NKAIN3: variants seen among roughly 807,000 people sequenced by gnomAD.
NKAIN3 encodes sodium/potassium transporting ATPase interacting 3.
A neutral mutation model predicts 30.2 loss-of-function variants in NKAIN3; 25 were observed. That is an observed-to-expected ratio of 0.83 (90% confidence interval 0.60 to 1.16). The LOEUF (loss-of-function observed/expected upper bound fraction) is 1.16. Among genes scored for constraint, NKAIN3 ranks in the 50% most tolerant of loss-of-function variants. The pLI is 0.00. For missense variants in NKAIN3, 225 were observed against 254.1 expected, an observed-to-expected ratio of 0.89 and a Z score of 0.78; for synonymous variants, 91 against 89.6, an observed-to-expected ratio of 1.02 and a Z score of -0.09.
intron 3 of NKAIN3, among the ~76,000 whole-genome samples, chr8:62,715,530 G>A (rs1320488352): frequency 2.6e-5 from 4 of 152,168 alleles, no homozygotes; most frequent in Admixed American, 2.0e-4. Context: ...TCATATCTCA[G>A]TACCTCAGTT....
chr8:62,773,620 A>G (rs28858368), intron 4 of NKAIN3, among the ~76,000 whole-genome samples: 31,054 of 151,994 alleles, frequency 0.2, 3,740 homozygotes, highest in African/African-American at 0.32. Flanking sequence ...ATGGGGGCAG[A>G]TCTTTCCTGT....
intron 4 of NKAIN3, among the ~76,000 whole-genome samples, chr8:62,793,472 G>T (rs1295011047): frequency 1.3e-5 from 2 of 152,138 alleles, no homozygotes; most frequent in African/African-American, 4.8e-5. Context: ...AATCCTGAAA[G>T]GATGAATCTC....
chr8:62,476,879 C>A (rs1806536910), intron 1 of NKAIN3, among the ~76,000 whole-genome samples: 1 of 152,028 alleles, frequency 6.6e-6, no homozygotes. Flanking sequence ...TCCTGTGGCC[C>A]CTTTAAATTG....
At chr8:62,307,411 T>C (rs1462361452) in intron 1 of NKAIN3, among the ~76,000 whole-genome samples, 2 of 150,146 alleles carry the variant, frequency 1.3e-5, no homozygotes, top group Non-Finnish European at 2.9e-5. Flanking sequence ...CCTATCTCTC[T>C]GCCCTTTTAT....
chr8:62,294,372 C>A, intron 1 of NKAIN3, among the ~76,000 whole-genome samples: 1 of 152,110 alleles, frequency 6.6e-6, no homozygotes, highest in East Asian at 1.9e-4. Flanking sequence ...TGAGAGTAGG[C>A]ACTCGAAAAT....
At chr8:62,808,636 G>A (rs1201081681) in intron 4 of NKAIN3, among the ~76,000 whole-genome samples, 1 of 152,108 alleles carries the variant, frequency 6.6e-6, no homozygotes, top group Non-Finnish European at 1.5e-5. Context: ...CACAAAACCA[G>A]CAAGTTTTTA....
chr8:62,801,972 G>T (rs1464021905), intron 4 of NKAIN3, among the ~76,000 whole-genome samples: 1 of 152,228 alleles, frequency 6.6e-6, no homozygotes, highest in Admixed American at 6.5e-5. Context: ...TGTGAAGAAT[G>T]TAGAAGCCTC....
chr8:62,809,715 T>A (rs1818427542), intron 4 of NKAIN3, among the ~76,000 whole-genome samples: 1 of 152,216 alleles, frequency 6.6e-6, no homozygotes, highest in South Asian at 2.1e-4. Context: ...CATAAATTTA[T>A]CCCATTTATT....
rs138913956 is a variant in NKAIN3, at chr8:62,811,140, G to A, written c.471+64011G>A. On this transcript the variant is annotated intron_variant, in intron 4 of 6. Coordinates refer to ENST00000623646, the MANE Select transcript of NKAIN3 (RefSeq NM_001304533.3). The stretch of plus-strand genomic sequence containing the variant: ...TCATCTCAAGAATTTTTTACAAATG[G>A]ACTCATACAGTATGTAAACATTTAT... Among the ~76,000 whole-genome samples, 275 of 152,070 alleles carry A rather than the reference G, an allele frequency of 1.8e-3. 4 individuals are homozygous for A. The highest frequency in any genetic ancestry group is 3.7e-4 in the Non-Finnish European group (25 of 67,972).
At chr8:62,255,263 A>G (rs534523210) in intron 1 of NKAIN3, among the ~76,000 whole-genome samples, 54 of 152,334 alleles carry the variant, frequency 3.5e-4, no homozygotes, top group African/African-American at 1.2e-3. Context: ...AAAACACGCA[A>G]TTGGGACGCT....
chr8:62,292,918 CTTTG>C (rs529724608), intron 1 of NKAIN3, among the ~76,000 whole-genome samples: 216 of 152,254 alleles, frequency 1.4e-3, no homozygotes, highest in African/African-American at 4.9e-3. Flanking sequence ...TTCTTGGAGG[CTTTG>C]TTTGTTTCTT....
chr8:62,616,674 G>A lies in NKAIN3; in HGVS notation c.273+26880G>A, dbSNP rs942442190. Among the ~76,000 whole-genome samples, 6 of 152,178 alleles carry A rather than the reference G, an allele frequency of 3.9e-5. No homozygotes were observed. The South Asian group carries it at 8.3e-4, about 21-fold the overall frequency. On this transcript the variant is annotated intron_variant, in intron 3 of 6. Transcript: ENST00000623646. ...ATGCTTGATTAAATCATCGTCCACTGGTGATTCATTCGGTCTCCAGTCCCC... is the reference window on the plus strand; with the variant it reads ...ATGCTTGATTAAATCATCGTCCACTAGTGATTCATTCGGTCTCCAGTCCCC...
intron 1 of NKAIN3, among the ~76,000 whole-genome samples, chr8:62,553,039 T>A (rs1022595028): frequency 6.6e-6 from 1 of 152,166 alleles, no homozygotes; most frequent in African/African-American, 2.4e-5. Context: ...TTACATAGAA[T>A]TCAGCAATTT....
chr8:62,300,946 A>G (rs1018391605), intron 1 of NKAIN3, among the ~76,000 whole-genome samples: 1 of 152,270 alleles, frequency 6.6e-6, no homozygotes, highest in African/African-American at 2.4e-5. Flanking sequence ...GTGCAGTATA[A>G]GAAAACAAAA....
chr8:62,292,661 T>C lies in NKAIN3; in HGVS notation c.54+43534T>C, dbSNP rs192794272. Among the ~76,000 whole-genome samples the C allele has an allele frequency of 4.8e-3, 731 of 152,288 alleles. 8 individuals are homozygous for C. Among genetic ancestry groups the C allele is most frequent in the Non-Finnish European group, 7.2e-3 (489 of 68,018 alleles). ...TAACTCAACCTTTCTCTCTGGCTGC[T>C]CTTAACAATTTTTTCCTTCATTTCA... On this transcript the variant is annotated intron_variant, in intron 1 of 6. Transcript: ENST00000623646.
intron 1 of NKAIN3, among the ~76,000 whole-genome samples, chr8:62,388,147 T>C (rs969812048): frequency 4.9e-4 from 74 of 152,192 alleles, no homozygotes; most frequent in Admixed American, 2.6e-4. Flanking sequence ...TGCTAAAAAA[T>C]TTAAAATATC....
Position 62,981,721 on chromosome 8 carries a change from C to T in NKAIN3, c.*16314C>T, listed in dbSNP as rs1013220687. On this transcript the variant is annotated 3_prime_UTR_variant, in exon 7 of 7. Transcript: ENST00000623646. ...GACAAGAACTCTGCTGTGTGGCAAC[C>T]TTATGTATCCACAACAGAACTAAGG... 3 of 147,888 alleles carry T rather than the reference C, an allele frequency of 2.0e-5. No individual in the cohort carries two copies. Among genetic ancestry groups the T allele is most frequent in the Non-Finnish European group, 3.0e-5 (2 of 67,438 alleles). The allele number at this position is 147,888 out of a possible 1,614,324, so 9.2% of individuals were successfully genotyped here.
At position 62,387,844 on chromosome 8, in the gene NKAIN3, C is replaced by T. The variant is rs545169867; in HGVS notation, c.54+138717C>T. On this transcript the variant is annotated intron_variant, in intron 1 of 6. Coordinates refer to ENST00000623646, the MANE Select transcript of NKAIN3 (RefSeq NM_001304533.3). ...TAAATATAATTTCAAACATAATTTT[C>T]AACGTGCTTTTCTGTCTTATCTTGA... 2.0e-3 allele frequency among the ~76,000 whole-genome samples: 303 copies of T among 152,278 alleles called. 2 individuals carry two copies. Among genetic ancestry groups the T allele is most frequent in the Middle Eastern group, 3.4e-3 (1 of 294 alleles).
At chr8:62,876,834 C>A (rs1820810829) in intron 4 of NKAIN3, among the ~76,000 whole-genome samples, 1 of 149,508 alleles carries the variant, frequency 6.7e-6, no homozygotes, top group Non-Finnish European at 1.5e-5. Context: ...AGGCAAGGAA[C>A]TTAGAGGATG....
Sources: gnomAD v4.1 joint callset for allele counts (sites outside exome capture counted in the v4.1 genomes callset) on GRCh38, gnomAD v4.1.1 for gene constraint, MANE v1.5 for transcripts, NCBI Gene and HGNC (gene_info 2026-07-23, HGNC 2026-07-21) for gene names.